PCLO: variants seen among roughly 807,000 people sequenced by gnomAD.
PCLO encodes the protein piccolo presynaptic cytomatrix protein.
PCLO carries 82 observed loss-of-function variants against 427.5 expected under a neutral mutation model. That is an observed-to-expected ratio of 0.19 (90% CI 0.16 to 0.23). The LOEUF is 0.23. Ranked by LOEUF, PCLO falls within the 10% of genes least tolerant of loss-of-function variation. The pLI, the probability that PCLO is intolerant of heterozygous loss-of-function variation, is 1.00. For missense variants in PCLO, 6,239 were observed against 6,115.9 expected (o/e 1.02, Z -0.67); for synonymous variants, 2,357 against 2,155.4 (o/e 1.09, Z -2.59).
At chr7:82,800,220 A>G (rs547357751) in intron 22 of PCLO, among the ~76,000 whole-genome samples, 1 of 152,338 alleles carries the variant, frequency 6.6e-6, no homozygotes, top group African/African-American at 2.4e-5. Flanking sequence ...GCCCCTGAGA[A>G]AACCTAGGTA....
intron 3 of PCLO, among the ~76,000 whole-genome samples, chr7:83,079,691 C>T (rs537800115): frequency 8.5e-5 from 13 of 152,144 alleles, no homozygotes; most frequent in African/African-American, 2.9e-4. Context: ...AATAAAATTA[C>T]ATAATGAAGA....
intron 3 of PCLO, among the ~76,000 whole-genome samples, chr7:83,083,504 T>C (rs894745318): frequency 6.6e-6 from 1 of 152,038 alleles, no homozygotes; most frequent in Non-Finnish European, 1.5e-5. Flanking sequence ...TACTGCATAG[T>C]ATATGCAAAA....
intron 1 of PCLO, among the ~76,000 whole-genome samples, chr7:83,158,267 AG>A: frequency 6.6e-6 from 1 of 152,194 alleles, no homozygotes; most frequent in Non-Finnish European, 1.5e-5. Flanking sequence ...GTTCCAAGCT[AG>A]CTCTTAAAAT....
chr7:83,012,060 T>C lies in PCLO; in HGVS notation c.3301-45573A>G, dbSNP rs1788091593. Among the ~76,000 whole-genome samples, 8 of 152,142 alleles carry C rather than the reference T, an allele frequency of 5.3e-5. No homozygotes were observed. In the South Asian group the frequency reaches 1.7e-3, roughly 32 times the overall value. On this transcript the variant is annotated intron_variant, in intron 3 of 24. Transcript: ENST00000333891. ...TATGTATTTATTGTATCATATACAC[T>C]ATTTTTAAAAACTCACACTTAACAA...
intron 3 of PCLO, among the ~76,000 whole-genome samples, chr7:83,059,328 TAA>T (rs1320272075): frequency 1.5e-5 from 2 of 136,958 alleles, no homozygotes; most frequent in African/African-American, 5.3e-5. Context: ...ATATTATATA[TAA>T]TATATATTTT....
At chr7:82,986,333 CCAAAA>C (rs1421591872) in intron 3 of PCLO, among the ~76,000 whole-genome samples, 5 of 124,794 alleles carry the variant, frequency 4.0e-5, no homozygotes, top group Non-Finnish European at 6.9e-5. Flanking sequence ...TAAATATGCA[CCAAAA>C]CAAATTAGAA....
intron 2 of PCLO, among the ~76,000 whole-genome samples, chr7:83,140,893 T>A (rs1344721892): frequency 6.6e-6 from 1 of 152,220 alleles, no homozygotes; most frequent in Non-Finnish European, 1.5e-5. Flanking sequence ...TTGCTGCCAG[T>A]TACACATAGT....
intron 3 of PCLO, among the ~76,000 whole-genome samples, chr7:83,113,138 C>T (rs771729662): frequency 2.0e-5 from 3 of 152,182 alleles, no homozygotes; most frequent in Non-Finnish European, 2.9e-5. Flanking sequence ...ACTTCCTAAT[C>T]GTTACAGCAG....
At chr7:83,044,275 G>T (rs1051074136) in intron 3 of PCLO, among the ~76,000 whole-genome samples, 1 of 152,088 alleles carries the variant, frequency 6.6e-6, no homozygotes, top group South Asian at 2.1e-4. Flanking sequence ...CACACATGGC[G>T]ATTACAATTG....
In PCLO at chr7:82,820,837, T is replaced by A. The variant is rs894519458; in HGVS notation, c.14791+1658A>T. Reference sequence around the variant, plus strand: ...AACAGATTAGGTTAGTAGCATGCATTCCATTCTGCAATATGAATATTGTTA... The same window carrying A: ...AACAGATTAGGTTAGTAGCATGCATACCATTCTGCAATATGAATATTGTTA... On this transcript the variant is annotated intron_variant, in intron 20 of 24. Coordinates refer to ENST00000333891, the MANE Select transcript of PCLO (RefSeq NM_033026.6). 1.5e-5 allele frequency: 19 copies of A among 1,231,070 alleles called. No individual in the cohort carries two copies. In the African/African-American group the frequency reaches 2.3e-4, roughly 15 times the overall value. 76.3% of individuals were successfully genotyped at this position (1,231,070 alleles called of 1,614,324 possible).
intron 22 of PCLO, among the ~76,000 whole-genome samples, chr7:82,766,218 G>C (rs1225226170): frequency 6.6e-6 from 1 of 151,996 alleles, no homozygotes; most frequent in Non-Finnish European, 1.5e-5. Context: ...TCACTATGAA[G>C]ATTCAAGAGT....
rs185699361 is a variant in PCLO, at chr7:83,154,870, G to A, written c.1771C>T (p.Leu591Phe). The change falls in exon 2 of 25, where the codon CTT becomes TTT. Residue 591 changes from leucine (L) to phenylalanine (F), a missense_variant. Coordinates refer to ENST00000333891, the MANE Select transcript of PCLO (RefSeq NM_033026.6). ...AACAGAAGTTCAGTGGTATTGCAAA[G>A]AGGACAGATGGTTTTAGGGAGGCCT... Reference protein sequence around the residue: ...SQGLPKTICPLCNTTELLLHV... With the variant: ...SQGLPKTICPFCNTTELLLHV... 4.1e-4 allele frequency: 656 copies of A among 1,614,072 alleles called. No individual in the cohort carries two copies. Among genetic ancestry groups the A allele is most frequent in the Non-Finnish European group, 5.2e-4 (613 of 1,179,894 alleles).
Position 82,822,802 on chromosome 7 carries a change from T to C in PCLO, c.14597-113A>G, listed in dbSNP as rs1159108903. ...AAATTTATGTTAATTCTGAGTCTTA[T>C]ATGATTCATTTATGCAACTGGTCAT... On this transcript the variant is annotated intron_variant, in intron 19 of 24. Coordinates refer to ENST00000333891, the MANE Select transcript of PCLO (RefSeq NM_033026.6). 88 of 854,292 alleles carry C rather than the reference T, an allele frequency of 1.0e-4. No individual in the cohort carries two copies. In the East Asian group the frequency reaches 1.6e-3, roughly 16 times the overall value. The allele number at this position is 854,292 out of a possible 1,614,324, so 52.9% of individuals were successfully genotyped here. A position where few individuals can be genotyped will look rare whatever the true frequency, so the allele number is the denominator to read the frequency against.
At chr7:82,977,142 A>G (rs1796035430) in intron 3 of PCLO, among the ~76,000 whole-genome samples, 1 of 152,096 alleles carries the variant, frequency 6.6e-6, no homozygotes, top group Admixed American at 6.5e-5. Context: ...TATCTAATAC[A>G]TTGGTTTGAC....
intron 20 of PCLO, among the ~76,000 whole-genome samples, chr7:82,812,138 G>A (rs1286019549): frequency 6.6e-6 from 1 of 151,248 alleles, no homozygotes; most frequent in Admixed American, 6.6e-5. Flanking sequence ...TATATTCACA[G>A]TTTTCTCTCT....
At chr7:83,133,784 G>A (rs1043264645) in intron 3 of PCLO, among the ~76,000 whole-genome samples, 1 of 151,944 alleles carries the variant, frequency 6.6e-6, no homozygotes, top group African/African-American at 2.4e-5. Context: ...TGGTGTTTAT[G>A]CATATTCAAC....
intron 15 of PCLO, among the ~76,000 whole-genome samples, chr7:82,836,573 C>T (rs1377693444): frequency 6.6e-6 from 1 of 152,060 alleles, no homozygotes; most frequent in African/African-American, 2.4e-5. Context: ...ACTAGAGCAA[C>T]CATACCAACA....
At chr7:83,095,687 G>A (rs1166451772) in intron 3 of PCLO, among the ~76,000 whole-genome samples, 1 of 151,702 alleles carries the variant, frequency 6.6e-6, no homozygotes, top group Non-Finnish European at 1.5e-5. Flanking sequence ...TTAACTCATG[G>A]ATTATTTGGA....
At position 82,848,562 on chromosome 7, in the gene PCLO, C is replaced by G. The variant is rs1407629674; in HGVS notation, c.13655-1315G>C. ...CTAACCTCAAATGATCCGCCTGCCT[C>G]AGCCTCCCAAAGTGCTGGGATTATA... On this transcript the variant is annotated intron_variant, in intron 10 of 24. Transcript: ENST00000333891. Among the ~76,000 whole-genome samples, 4 of 151,988 alleles carry G rather than the reference C, an allele frequency of 2.6e-5. No individual in the cohort carries two copies. The East Asian group carries it at 7.8e-4, about 29-fold the overall frequency.
Sources: gnomAD v4.1 joint callset for allele counts (sites outside exome capture counted in the v4.1 genomes callset) on GRCh38, gnomAD v4.1.1 for gene constraint, MANE v1.5 for transcripts, NCBI Gene and HGNC (gene_info 2026-07-23, HGNC 2026-07-21) for gene names.